Variants in CNTNAP2 observed in about 807,000 individuals in gnomAD.
CNTNAP2 encodes the protein contactin-associated protein-like 2.
CNTNAP2 carries 98 observed loss-of-function variants against 155.2 expected under a neutral mutation model. The observed-to-expected ratio is 0.63, with a 90% CI of 0.54 to 0.75. The LOEUF is 0.75. CNTNAP2 is among the 30% of genes least tolerant of loss of function. The pLI, the probability that CNTNAP2 is intolerant of heterozygous loss-of-function variation, is 0.00. For missense variants in CNTNAP2, 1,727 were observed against 1,688.1 expected (o/e 1.02, Z -0.40); for synonymous variants, 651 against 631.2 (o/e 1.03, Z -0.47).
At chr7:147,383,137 G>C (rs562804028) in intron 9 of CNTNAP2, among the ~76,000 whole-genome samples, 1 of 151,844 alleles carries the variant, frequency 6.6e-6, no homozygotes, top group East Asian at 1.9e-4. Context: ...TTTAGGTCTT[G>C]GTGTCAGTTC....
At chr7:146,324,739 T>C (rs1298555475) in intron 1 of CNTNAP2, among the ~76,000 whole-genome samples, 6 of 152,060 alleles carry the variant, frequency 3.9e-5, no homozygotes, top group African/African-American at 1.5e-4. Context: ...AATTAACTTA[T>C]TTCAGTAGGG....
intron 9 of CNTNAP2, among the ~76,000 whole-genome samples, chr7:147,389,532 C>A (rs1796674917): frequency 6.6e-6 from 1 of 152,088 alleles, no homozygotes; most frequent in East Asian, 1.9e-4. Context: ...ATTTTAAAAC[C>A]TTGAAAATGC....
chr7:146,128,882 A>C lies in CNTNAP2; in HGVS notation c.97+11909A>C, dbSNP rs144753783. Among the ~76,000 whole-genome samples the C allele has an allele frequency of 5.1e-3, 781 of 152,142 alleles. 7 individuals carry two copies. Among genetic ancestry groups the C allele is most frequent in the African/African-American group, 0.018 (740 of 41,512 alleles). On this transcript the variant is annotated intron_variant, in intron 1 of 23. Coordinates refer to ENST00000361727, the MANE Select transcript of CNTNAP2 (RefSeq NM_014141.6). ...AAGTAATCTTGGTATTACAGAAAAAAAAACTGCCTTAAAACTTACATATCT... is the reference window on the plus strand; with the variant it reads ...AAGTAATCTTGGTATTACAGAAAAACAAACTGCCTTAAAACTTACATATCT...
At chr7:147,772,833 A>G (rs572001235) in intron 13 of CNTNAP2, among the ~76,000 whole-genome samples, 1 of 151,656 alleles carries the variant, frequency 6.6e-6, no homozygotes, top group South Asian at 2.1e-4. Context: ...CACCCTAAAA[A>G]CTCCAACGGT....
chr7:146,308,555 A>G (rs1003955318), intron 1 of CNTNAP2, among the ~76,000 whole-genome samples: 37 of 151,608 alleles, frequency 2.4e-4, no homozygotes, highest in African/African-American at 8.9e-4. Context: ...ACTATTCACA[A>G]TAGCAAAGAC....
intron 9 of CNTNAP2, among the ~76,000 whole-genome samples, chr7:147,374,334 G>C (rs1195844368): frequency 6.6e-6 from 1 of 151,722 alleles, no homozygotes; most frequent in Non-Finnish European, 1.5e-5. Context: ...TTTTTTCACT[G>C]TTACCAGTAA....
rs112623198 is a variant in CNTNAP2, at chr7:146,940,696, TAC to T, written c.402+100812_402+100813del. 4.0e-3 allele frequency among the ~76,000 whole-genome samples: 591 copies of T among 149,042 alleles called. 4 individuals carry two copies. The highest frequency in any genetic ancestry group is 0.013 in the African/African-American group (519 of 40,536). ...CATTAGTGTAGTAAATATATATATA[TAC>T]ACACACACACACACACACAATATGG... On this transcript the variant is annotated intron_variant, in intron 3 of 23. Coordinates refer to ENST00000361727, the MANE Select transcript of CNTNAP2 (RefSeq NM_014141.6).
chr7:147,020,119 T>C (rs1350322627), intron 3 of CNTNAP2, among the ~76,000 whole-genome samples: 1 of 152,116 alleles, frequency 6.6e-6, no homozygotes, highest in African/African-American at 2.4e-5. Context: ...TGTAGGTGAT[T>C]GTAGTTGATT....
chr7:146,998,421 G>A (rs1798353030), intron 3 of CNTNAP2, among the ~76,000 whole-genome samples: 1 of 151,952 alleles, frequency 6.6e-6, no homozygotes, highest in African/African-American at 2.4e-5. Flanking sequence ...TCTTAAACTT[G>A]TGGAGGCTTG....
intron 13 of CNTNAP2, among the ~76,000 whole-genome samples, chr7:147,853,624 G>T (rs927656431): frequency 2.0e-5 from 3 of 152,114 alleles, no homozygotes; most frequent in African/African-American, 7.2e-5. Flanking sequence ...CTAGAATTTG[G>T]GTTGGCACAG....
At chr7:147,223,372 C>A (rs1803449425) in intron 8 of CNTNAP2, among the ~76,000 whole-genome samples, 1 of 152,152 alleles carries the variant, frequency 6.6e-6, no homozygotes, top group Non-Finnish European at 1.5e-5. Flanking sequence ...CAAGGGACAA[C>A]AGAAGCCTAG....
chr7:146,659,297 A>G (rs941565388), intron 1 of CNTNAP2, among the ~76,000 whole-genome samples: 2 of 152,200 alleles, frequency 1.3e-5, no homozygotes, highest in African/African-American at 2.4e-5. Context: ...TAAATGGTCA[A>G]GGAAGGTTAA....
chr7:147,850,415 G>T (rs200156673), intron 13 of CNTNAP2, among the ~76,000 whole-genome samples: 3 of 152,098 alleles, frequency 2.0e-5, no homozygotes, highest in Non-Finnish European at 4.4e-5. Flanking sequence ...GGAAAAAACT[G>T]CTTTAAAGTT....
chr7:147,440,724 T>C (rs10273700), intron 10 of CNTNAP2, among the ~76,000 whole-genome samples: 33,181 of 152,112 alleles, frequency 0.22, 4,164 homozygotes, highest in African/African-American at 0.34. Flanking sequence ...AAGGATATTT[T>C]CACCAGATAT....
chr7:146,851,426 T>C (rs867204691), intron 3 of CNTNAP2, among the ~76,000 whole-genome samples: 6 of 152,234 alleles, frequency 3.9e-5, no homozygotes, highest in African/African-American at 1.4e-4. Context: ...ATTTACCTAC[T>C]GTATTAGTTT....
chr7:147,853,365 C>A lies in CNTNAP2; in HGVS notation c.2099-50200C>A, dbSNP rs144425199. Reference sequence around the variant, plus strand: ...ATGTCTTAAACGGCCTGATTTAAAGCATAGAGACAACCCATTTGTACATTA... The same window carrying A: ...ATGTCTTAAACGGCCTGATTTAAAGAATAGAGACAACCCATTTGTACATTA... On this transcript the variant is annotated intron_variant, in intron 13 of 23. Transcript: ENST00000361727. 3.6e-3 allele frequency among the ~76,000 whole-genome samples: 544 copies of A among 152,272 alleles called. 2 individuals are homozygous for A. Among genetic ancestry groups the A allele is most frequent in the African/African-American group, 0.012 (515 of 41,562 alleles).
At chr7:146,939,829 A>G (rs1169052615) in intron 3 of CNTNAP2, among the ~76,000 whole-genome samples, 2 of 152,240 alleles carry the variant, frequency 1.3e-5, no homozygotes, top group African/African-American at 4.8e-5. Flanking sequence ...GGAAACCAAA[A>G]TGCATTAAAG....
chr7:148,270,749 G>A (rs184307962), intron 21 of CNTNAP2, among the ~76,000 whole-genome samples: 5 of 152,326 alleles, frequency 3.3e-5, no homozygotes, highest in South Asian at 2.1e-4. Context: ...GGCATCTGAC[G>A]ATCATGAAGT....
intron 1 of CNTNAP2, among the ~76,000 whole-genome samples, chr7:146,334,292 G>A (rs939392555): frequency 1.3e-5 from 2 of 152,230 alleles, no homozygotes; most frequent in South Asian, 2.1e-4. Context: ...TGAGCTGGGC[G>A]TGGTGGCAGG....
Sources: allele counts gnomAD v4.1 joint callset (sites outside exome capture counted in the v4.1 genomes callset), GRCh38; gene constraint gnomAD v4.1.1; transcripts MANE v1.5; gene names NCBI Gene and HGNC (gene_info 2026-07-23, HGNC 2026-07-21).